The following RASGRF2 variants were observed in gnomAD, a reference collection of about 807,000 sequenced individuals.
The protein encoded by RASGRF2 is ras-specific guanine nucleotide-releasing factor 2.
Under a neutral mutation model 151.0 loss-of-function variants are expected in RASGRF2, and 76 were observed. That is an observed-to-expected ratio of 0.50 (90% CI 0.42 to 0.61). The LOEUF (loss-of-function observed/expected upper bound fraction) is 0.61. Among genes scored for constraint, RASGRF2 ranks in the 20% least tolerant of loss-of-function variants. The pLI is 0.00. For synonymous variants in RASGRF2, 504 were observed against 566.5 expected, an observed-to-expected ratio of 0.89 and a Z score of 1.57; for missense variants, 1,148 against 1,564.6, an observed-to-expected ratio of 0.73 and a Z score of 4.49.
chr5:81,121,930 T>C (rs1449454903), intron 15 of RASGRF2, among the ~76,000 whole-genome samples: 1 of 152,214 alleles, frequency 6.6e-6, no homozygotes, highest in Non-Finnish European at 1.5e-5. Flanking sequence ...TGTCTGTTTC[T>C]GTGTTCTTAG....
At chr5:81,143,075 A>G (rs1248217859) in intron 17 of RASGRF2, among the ~76,000 whole-genome samples, 1 of 152,248 alleles carries the variant, frequency 6.6e-6, no homozygotes, top group Non-Finnish European at 1.5e-5. Flanking sequence ...AGGCTGGGAA[A>G]GACCAATTAG....
chr5:80,991,395 A>G (rs56075878), intron 1 of RASGRF2, among the ~76,000 whole-genome samples: 60,420 of 152,026 alleles, frequency 0.4, 13,031 homozygotes, highest in Middle Eastern at 0.54. Flanking sequence ...ACTGCACTCC[A>G]ACCTAAGTGA....
In RASGRF2 at chr5:81,112,797, G is replaced by A. The variant is rs376549001; in HGVS notation, c.2026G>A (p.Ala676Thr). The A allele has an allele frequency of 9.9e-6, 16 of 1,614,036 alleles. No homozygotes were observed. Among genetic ancestry groups the A allele is most frequent in the South Asian group, 9.9e-5 (9 of 91,088 alleles). ...CACCTATCGTATTTTCACTACTGCCGCTGTGGTGCTGGGGAAACTCTCCGA... is the reference window on the plus strand; with the variant it reads ...CACCTATCGTATTTTCACTACTGCCACTGTGGTGCTGGGGAAACTCTCCGA... ...LHTYRIFTTA[A>T]VVLGKLSDIY... The change falls in exon 14 of 27, where the codon GCT (alanine) becomes ACT (threonine). Residue 676 changes from alanine (A) to threonine (T), a missense_variant. Ala to Thr is a moderately conservative substitution (Grantham distance 58). Transcript: ENST00000265080.
At chr5:81,002,300 C>G (rs913838537) in intron 1 of RASGRF2, among the ~76,000 whole-genome samples, 8 of 152,114 alleles carry the variant, frequency 5.3e-5, no homozygotes, top group Non-Finnish European at 1.0e-4. Context: ...CATTTTCCCT[C>G]CTGCAGTTGT....
intron 17 of RASGRF2, among the ~76,000 whole-genome samples, chr5:81,153,694 G>A (rs1427967787): frequency 6.6e-6 from 1 of 152,066 alleles, no homozygotes; most frequent in Non-Finnish European, 1.5e-5. Context: ...TAGAAAAATG[G>A]CGGATATAAA....
At chr5:80,982,267 G>T (rs72769224) in intron 1 of RASGRF2, among the ~76,000 whole-genome samples, 21,338 of 152,162 alleles carry the variant, frequency 0.14, 1,571 homozygotes, top group African/African-American at 0.17. Flanking sequence ...CTGAAAGCCC[G>T]TATCTATGGA....
At chr5:81,015,601 A>G (rs1749605223) in intron 1 of RASGRF2, among the ~76,000 whole-genome samples, 1 of 151,808 alleles carries the variant, frequency 6.6e-6, no homozygotes, top group Admixed American at 6.6e-5. Flanking sequence ...CCACATTTCT[A>G]TTGGTGTATT....
chr5:81,179,046 C>G (rs1754852536), intron 17 of RASGRF2, among the ~76,000 whole-genome samples: 1 of 152,176 alleles, frequency 6.6e-6, no homozygotes, highest in African/African-American at 2.4e-5. Context: ...CTAGACAACT[C>G]TTTCAAGAGG....
chr5:81,094,630 C>T (rs1490264605), intron 11 of RASGRF2, among the ~76,000 whole-genome samples: 1 of 152,024 alleles, frequency 6.6e-6, no homozygotes, highest in East Asian at 1.9e-4. Flanking sequence ...ACTATGAAAT[C>T]AGAAGGAAAC....
intron 2 of RASGRF2, among the ~76,000 whole-genome samples, chr5:81,049,355 T>G (rs527747538): frequency 6.6e-6 from 1 of 152,272 alleles, no homozygotes; most frequent in African/African-American, 2.4e-5. Context: ...ATTACAGACT[T>G]TTTATTTGCT....
At chr5:81,147,975 G>A (rs188094748) in intron 17 of RASGRF2, among the ~76,000 whole-genome samples, 74 of 152,320 alleles carry the variant, frequency 4.9e-4, no homozygotes, top group African/African-American at 1.6e-3. Context: ...AGTGCATACG[G>A]TCTCAGCAGA....
chr5:80,969,487 C>T (rs1357329225), intron 1 of RASGRF2, among the ~76,000 whole-genome samples: 2 of 146,224 alleles, frequency 1.4e-5, no homozygotes, highest in Non-Finnish European at 3.0e-5. Context: ...CTCACTCTGT[C>T]ACCCACGCTG....
intron 13 of RASGRF2, among the ~76,000 whole-genome samples, chr5:81,110,471 GTAAT>G (rs1298261097): frequency 2.0e-5 from 3 of 152,316 alleles, no homozygotes; most frequent in East Asian, 1.9e-4. Context: ...GGAAAGTGGT[GTAAT>G]TAGTCAGTTT....
At chr5:81,119,043 T>C (rs1337183570) in intron 15 of RASGRF2, among the ~76,000 whole-genome samples, 1 of 152,158 alleles carries the variant, frequency 6.6e-6, no homozygotes. Flanking sequence ...TCTTGAAAGC[T>C]CTTCTCTTCT....
chr5:81,130,487 C>T (rs1753587555), intron 17 of RASGRF2, among the ~76,000 whole-genome samples: 1 of 152,004 alleles, frequency 6.6e-6, no homozygotes, highest in Non-Finnish European at 1.5e-5. Context: ...GGAACTGGTC[C>T]CTTAGCAGAT....
chr5:81,020,601 T>A (rs1179441884), intron 1 of RASGRF2, among the ~76,000 whole-genome samples: 1 of 152,110 alleles, frequency 6.6e-6, no homozygotes, highest in African/African-American at 2.4e-5. Flanking sequence ...AGTGGACAGC[T>A]CTCAGCCAGT....
chr5:81,080,477 G>A (rs1485339424), intron 6 of RASGRF2, 119 bp from the exon 7 acceptor site: 3 of 1,144,050 alleles, frequency 2.6e-6, no homozygotes, highest in Non-Finnish European at 3.8e-6. Context: ...AGGCATCAGG[G>A]TTGCGGCTCC....
chr5:80,991,823 C>T (rs143101964), intron 1 of RASGRF2, among the ~76,000 whole-genome samples: 9 of 152,296 alleles, frequency 5.9e-5, no homozygotes, highest in Non-Finnish European at 1.3e-4. Flanking sequence ...CTTACGTAAA[C>T]CCTTTGCCAG....
At chr5:81,083,656 T>G (rs184911987) in intron 7 of RASGRF2, among the ~76,000 whole-genome samples, 15 of 152,332 alleles carry the variant, frequency 9.8e-5, no homozygotes, top group African/African-American at 3.4e-4. Flanking sequence ...TAATTTTTAT[T>G]TATTAAAGAC....
Sources: gnomAD v4.1 joint callset for allele counts (sites outside exome capture counted in the v4.1 genomes callset) on GRCh38, gnomAD v4.1.1 for gene constraint, MANE v1.5 for transcripts, NCBI Gene and HGNC (gene_info 2026-07-23, HGNC 2026-07-21) for gene names.